The following GRID1 variants were observed in gnomAD, a reference collection of about 807,000 sequenced individuals.
GRID1 encodes glutamate receptor ionotropic, delta-1.
Under a neutral mutation model 98.0 loss-of-function variants are expected in GRID1, and 28 were observed. That is an observed-to-expected ratio of 0.29 (90% CI 0.21 to 0.39). The LOEUF (loss-of-function observed/expected upper bound fraction) is 0.39. Ranked by LOEUF, GRID1 falls within the 10% of genes least tolerant of loss-of-function variation. The probability of loss-of-function intolerance (pLI) is 1.00; values close to 1 mark genes in which losing one functional copy is unlikely to be tolerated. For synonymous variants in GRID1, 553 were observed against 538.5 expected (o/e 1.03, Z -0.37); for missense variants, 1,111 against 1,340.5 (o/e 0.83, Z 2.67).
At chr10:85,628,250 G>A (rs753912089) in intron 13 of GRID1, among the ~76,000 whole-genome samples, 33 of 151,926 alleles carry the variant, frequency 2.2e-4, no homozygotes, top group Admixed American at 3.9e-4. Flanking sequence ...ATATGTGCAG[G>A]TATGACTGTG....
chr10:86,360,834 G>A (rs1235782206), intron 2 of GRID1, among the ~76,000 whole-genome samples: 1 of 152,196 alleles, frequency 6.6e-6, no homozygotes, highest in African/African-American at 2.4e-5. Flanking sequence ...GTGAAGACAA[G>A]CAAGATGGGA....
chr10:86,355,527 C>CA (rs1848522652), intron 2 of GRID1, among the ~76,000 whole-genome samples: 1 of 152,196 alleles, frequency 6.6e-6, no homozygotes, highest in African/African-American at 2.4e-5. Flanking sequence ...TAACACCCCC[C>CA]ACCTCACCCA....
chr10:86,294,234 T>C (rs758313107), intron 2 of GRID1, among the ~76,000 whole-genome samples: 1 of 151,984 alleles, frequency 6.6e-6, no homozygotes, highest in South Asian at 2.1e-4. Context: ...GAGAACAGCA[T>C]AAGGTGGCCC....
intron 3 of GRID1, among the ~76,000 whole-genome samples, chr10:86,197,726 C>A (rs1448270957): frequency 6.6e-6 from 1 of 152,058 alleles, no homozygotes. Context: ...CTGCATCAGG[C>A]ATCTCCTCAT....
intron 4 of GRID1, among the ~76,000 whole-genome samples, chr10:86,125,638 CAATGTTTCACTGAATGTG>C (rs943756743): frequency 6.6e-6 from 1 of 152,136 alleles, no homozygotes; most frequent in African/African-American, 2.4e-5. Flanking sequence ...TTTTTTCAAT[CAATGTTTCACTGAATGTG>C]ACTGCCTCTC....
chr10:86,181,597 T>A (rs182419684), intron 3 of GRID1, among the ~76,000 whole-genome samples: 2 of 152,294 alleles, frequency 1.3e-5, no homozygotes, highest in African/African-American at 4.8e-5. Flanking sequence ...CTGTCCACCC[T>A]TCCTTGAAGT....
At chr10:86,049,700 G>A (rs1843474081) in intron 4 of GRID1, among the ~76,000 whole-genome samples, 1 of 152,202 alleles carries the variant, frequency 6.6e-6, no homozygotes, top group South Asian at 2.1e-4. Context: ...GCATTGCTTG[G>A]CTTTGACTAC....
At chr10:85,694,550 G>GTATA (rs56344083) in intron 12 of GRID1, among the ~76,000 whole-genome samples, 62 of 92,794 alleles carry the variant, frequency 6.7e-4, no homozygotes, top group East Asian at 1.6e-3. Context: ...AATGTGGTGT[G>GTATA]TATATATATA....
At chr10:86,102,841 A>G (rs1844318325) in intron 4 of GRID1, among the ~76,000 whole-genome samples, 3 of 152,166 alleles carry the variant, frequency 2.0e-5, no homozygotes, top group Admixed American at 1.3e-4. Flanking sequence ...TATTCCCCAC[A>G]TGTCATGGGA....
chr10:85,707,176 A>G (rs545907530), intron 12 of GRID1, among the ~76,000 whole-genome samples: 2 of 152,326 alleles, frequency 1.3e-5, no homozygotes, highest in Admixed American at 6.5e-5. Flanking sequence ...TGAACAGGCA[A>G]CCTACAAAAT....
chr10:85,829,035 T>C lies in GRID1; in HGVS notation c.1233+25461A>G, dbSNP rs1338775782. On this transcript the variant is annotated intron_variant, in intron 8 of 15. Transcript: ENST00000327946. The stretch of plus-strand genomic sequence containing the variant: ...GAAAACATCAGGCCAATATCATTGA[T>C]GAACATAGATGCAAAAATCCTCAGC... Among the ~76,000 whole-genome samples the C allele has an allele frequency of 2.0e-5, 3 of 152,114 alleles. No individual in the cohort carries two copies. In the South Asian group the frequency reaches 6.2e-4, roughly 31 times the overall value.
At chr10:85,687,964 G>A (rs1841288643) in intron 12 of GRID1, among the ~76,000 whole-genome samples, 1 of 152,210 alleles carries the variant, frequency 6.6e-6, no homozygotes, top group East Asian at 1.9e-4. Context: ...GGAGTTGGCT[G>A]TGATTGCTGG....
intron 4 of GRID1, among the ~76,000 whole-genome samples, chr10:86,080,582 G>C (rs1476963697): frequency 6.6e-6 from 1 of 152,026 alleles, no homozygotes; most frequent in Non-Finnish European, 1.5e-5. Context: ...TTCACCACTA[G>C]GTTTGGCCCC....
chr10:86,095,429 T>C (rs1844207609), intron 4 of GRID1, among the ~76,000 whole-genome samples: 1 of 151,658 alleles, frequency 6.6e-6, no homozygotes, highest in African/African-American at 2.4e-5. Flanking sequence ...ACCCACAGAG[T>C]GGGAGAAAAT....
chr10:86,314,156 T>C (rs1339102083), intron 2 of GRID1, among the ~76,000 whole-genome samples: 1 of 152,222 alleles, frequency 6.6e-6, no homozygotes, highest in Non-Finnish European at 1.5e-5. Flanking sequence ...GGCTTCCAGC[T>C]CTTCACTCCT....
intron 8 of GRID1, among the ~76,000 whole-genome samples, chr10:85,841,794 C>T (rs1473537781): frequency 6.6e-6 from 1 of 151,938 alleles, no homozygotes; most frequent in African/African-American, 2.4e-5. Flanking sequence ...TCACACCAAT[C>T]AAAATGGCTA....
intron 8 of GRID1, among the ~76,000 whole-genome samples, chr10:85,800,947 C>A (rs1396136079): frequency 6.6e-6 from 1 of 151,780 alleles, no homozygotes; most frequent in Non-Finnish European, 1.5e-5. Context: ...AATAGAAAGA[C>A]TCCAATATAC....
At chr10:85,762,088 A>T (rs1261747291) in intron 8 of GRID1, among the ~76,000 whole-genome samples, 1 of 152,192 alleles carries the variant, frequency 6.6e-6, no homozygotes, top group African/African-American at 2.4e-5. Context: ...CGCTGTATCC[A>T]TCATGCTTCA....
At chr10:85,903,215 A>G (rs183430650) in intron 5 of GRID1, among the ~76,000 whole-genome samples, 52 of 152,270 alleles carry the variant, frequency 3.4e-4, no homozygotes, top group Non-Finnish European at 6.0e-4. Context: ...AACAGATTCA[A>G]ACCAAATTCC....
Sources: gnomAD v4.1 joint callset for allele counts (sites outside exome capture counted in the v4.1 genomes callset) on GRCh38, gnomAD v4.1.1 for gene constraint, MANE v1.5 for transcripts, NCBI Gene and HGNC (gene_info 2026-07-23, HGNC 2026-07-21) for gene names.